CTNNA3: variants seen among roughly 807,000 people sequenced by gnomAD.
The protein encoded by CTNNA3 is catenin alpha-3.
A neutral mutation model predicts 95.7 loss-of-function variants in CTNNA3; 76 were observed. The observed-to-expected ratio is 0.79, with a 90% CI of 0.66 to 0.96. CTNNA3 has a LOEUF of 0.96. CTNNA3 is among the 40% of genes least tolerant of loss of function. CTNNA3 has a pLI of 0.00. For missense variants in CTNNA3, 1,191 were observed against 1,089.8 expected (o/e 1.09, Z -1.31); for synonymous variants, 431 against 374.4 (o/e 1.15, Z -1.74).
chr10:66,740,373 C>T (rs985557612), intron 9 of CTNNA3, among the ~76,000 whole-genome samples: 1 of 152,130 alleles, frequency 6.6e-6, no homozygotes, highest in African/African-American at 2.4e-5. Context: ...GGTTTATGCT[C>T]CCTAGGTTTA....
chr10:66,894,164 T>C lies in CTNNA3; in HGVS notation c.1048-118640A>G, dbSNP rs1350969709. Among the ~76,000 whole-genome samples, 3 of 152,116 alleles carry C rather than the reference T, an allele frequency of 2.0e-5. No homozygotes were observed. The East Asian group carries it at 5.8e-4, about 29-fold the overall frequency. ...GGTGTCACATGTTCTCAAAACAACT[T>C]CAGAAGTAATTTATACACGTTAATT... is the stretch of plus-strand genomic sequence containing the variant. On this transcript the variant is annotated intron_variant, in intron 7 of 17. Transcript: ENST00000433211.
chr10:66,718,148 T>TC (rs936238184), intron 9 of CTNNA3, among the ~76,000 whole-genome samples: 1 of 151,816 alleles, frequency 6.6e-6, no homozygotes, highest in African/African-American at 2.4e-5. Flanking sequence ...CCTTTTTTTT[T>TC]TCTGTTACTC....
rs774612553 is a variant in CTNNA3, at chr10:67,446,961, CG to C, written c.579+74880del. ...TCTCCTAAAAATACAAAATATTAGC[CG>C]GGCGTGGTGGCGGGCGCCTGTAGTC... On this transcript the variant is annotated intron_variant, in intron 5 of 17. Coordinates refer to ENST00000433211, the MANE Select transcript of CTNNA3 (RefSeq NM_013266.4). Among the ~76,000 whole-genome samples the C allele has an allele frequency of 3.3e-5, 5 of 152,134 alleles. No individual in the cohort carries two copies. The South Asian group carries it at 6.2e-4, about 19-fold the overall frequency.
At chr10:66,825,376 A>G (rs1017896803) in intron 7 of CTNNA3, among the ~76,000 whole-genome samples, 8 of 151,200 alleles carry the variant, frequency 5.3e-5, no homozygotes, top group Non-Finnish European at 2.9e-5. Context: ...TCCGGGTTCA[A>G]GCAATTCTCC....
intron 7 of CTNNA3, among the ~76,000 whole-genome samples, chr10:66,820,544 G>A (rs1000407406): frequency 6.6e-6 from 1 of 151,486 alleles, no homozygotes; most frequent in Non-Finnish European, 1.5e-5. Context: ...ATATACATAT[G>A]TCATGGACAT....
chr10:66,542,878 A>G (rs1308648118), intron 10 of CTNNA3, among the ~76,000 whole-genome samples: 2 of 152,158 alleles, frequency 1.3e-5, no homozygotes, highest in Non-Finnish European at 2.9e-5. Context: ...CCTAGAACTT[A>G]AAGTATAATA....
intron 7 of CTNNA3, among the ~76,000 whole-genome samples, chr10:66,888,857 C>CA: frequency 6.6e-6 from 1 of 152,246 alleles, no homozygotes; most frequent in Non-Finnish European, 1.5e-5. Context: ...CCAGCTACTG[C>CA]GATCCTTGGT....
At chr10:66,150,232 A>T (rs931057798) in intron 13 of CTNNA3, among the ~76,000 whole-genome samples, 6 of 152,168 alleles carry the variant, frequency 3.9e-5, no homozygotes, top group Non-Finnish European at 5.9e-5. Flanking sequence ...TGATGGTTTT[A>T]AAAACAAGAG....
rs190387505 is a variant in CTNNA3 at position 67,139,163 on chromosome 10, C to T, written c.1047+41154G>A. On this transcript the variant is annotated intron_variant, in intron 7 of 17. Coordinates refer to ENST00000433211, the MANE Select transcript of CTNNA3 (RefSeq NM_013266.4). ...TTATTTATTTATTGTGATGGAGTCTCGCTCTGTCGCCCAGACTGGAGTGCA... is the reference window on the plus strand; with the variant it reads ...TTATTTATTTATTGTGATGGAGTCTTGCTCTGTCGCCCAGACTGGAGTGCA... Among the ~76,000 whole-genome samples, 18 of 152,230 alleles carry T rather than the reference C, an allele frequency of 1.2e-4. No homozygotes were observed. In the East Asian group the frequency reaches 3.3e-3, roughly 28 times the overall value.
chr10:66,412,695 G>C (rs1325944648), intron 11 of CTNNA3, among the ~76,000 whole-genome samples: 2 of 151,990 alleles, frequency 1.3e-5, no homozygotes, highest in Non-Finnish European at 2.9e-5. Flanking sequence ...TCCCGACCTT[G>C]TGATCTGCCC....
chr10:67,313,780 T>G (rs1564558798), intron 5 of CTNNA3, among the ~76,000 whole-genome samples: 1 of 152,186 alleles, frequency 6.6e-6, no homozygotes, highest in South Asian at 2.1e-4. Context: ...TTAAGACTTA[T>G]GCATCAATTA....
At chr10:67,154,042 TC>T (rs1345532735) in intron 7 of CTNNA3, among the ~76,000 whole-genome samples, 3 of 152,012 alleles carry the variant, frequency 2.0e-5, no homozygotes, top group African/African-American at 7.2e-5. Flanking sequence ...TAAACAGAAT[TC>T]TCAATTAAAA....
At chr10:66,719,520 A>T (rs1479181672) in intron 9 of CTNNA3, among the ~76,000 whole-genome samples, 1 of 152,226 alleles carries the variant, frequency 6.6e-6, no homozygotes, top group African/African-American at 2.4e-5. Flanking sequence ...TCCAGAATCC[A>T]GTACACAGTA....
intron 7 of CTNNA3, among the ~76,000 whole-genome samples, chr10:66,788,534 T>C (rs567052242): frequency 6.6e-6 from 1 of 152,192 alleles, no homozygotes; most frequent in Non-Finnish European, 1.5e-5. Context: ...TAATATTTCT[T>C]GCAGTGTGGC....
intron 3 of CTNNA3, among the ~76,000 whole-genome samples, chr10:67,559,830 C>T (rs557560049): frequency 9.2e-5 from 14 of 152,048 alleles, no homozygotes; most frequent in South Asian, 4.2e-4. Flanking sequence ...TCGAGAATTA[C>T]GTGAAGAATG....
chr10:66,397,387 T>C (rs1386022569), intron 11 of CTNNA3, among the ~76,000 whole-genome samples: 1 of 151,782 alleles, frequency 6.6e-6, no homozygotes, highest in Admixed American at 6.6e-5. Context: ...TACCCACAGA[T>C]AAAGCTTAAC....
At chr10:67,177,851 T>C (rs962513698) in intron 7 of CTNNA3, among the ~76,000 whole-genome samples, 1 of 152,164 alleles carries the variant, frequency 6.6e-6, no homozygotes, top group East Asian at 1.9e-4. Flanking sequence ...TTCAGTCCAA[T>C]TTGCTCAGTT....
intron 1 of CTNNA3, among the ~76,000 whole-genome samples, chr10:67,734,853 C>T (rs1841293431): frequency 6.6e-6 from 1 of 151,732 alleles, no homozygotes; most frequent in African/African-American, 2.4e-5. Flanking sequence ...ATCTAAATGT[C>T]CTATAACATG....
intron 11 of CTNNA3, among the ~76,000 whole-genome samples, chr10:66,499,851 G>A (rs1372080447): frequency 1.3e-5 from 2 of 148,526 alleles, no homozygotes; most frequent in African/African-American, 2.5e-5. Flanking sequence ...TGCCCAGGCT[G>A]GAGTGCAGTG....
Sources: allele counts gnomAD v4.1 joint callset (sites outside exome capture counted in the v4.1 genomes callset), GRCh38; gene constraint gnomAD v4.1.1; transcripts MANE v1.5; gene names NCBI Gene and HGNC (gene_info 2026-07-23, HGNC 2026-07-21).